The following CSMD1 variants were observed in gnomAD, a reference collection of about 807,000 sequenced individuals.
CSMD1 encodes CUB and sushi domain-containing protein 1.
CSMD1 carries 213 observed loss-of-function variants against 417.5 expected under a neutral mutation model. That is an observed-to-expected ratio of 0.51 (90% CI 0.46 to 0.57). CSMD1 has a LOEUF of 0.57. Among genes scored for constraint, CSMD1 ranks in the 20% least tolerant of loss-of-function variants. CSMD1 has a pLI of 0.00. For missense variants in CSMD1, 6,923 were observed against 4,529.7 expected (o/e 1.53, Z -15.17); for synonymous variants, 2,862 against 1,736.8 (o/e 1.65, Z -16.11).
chr8:3,740,399 T>G lies in CSMD1; in HGVS notation c.931+13531A>C, dbSNP rs184557689. 8.7e-4 allele frequency among the ~76,000 whole-genome samples: 132 copies of G among 152,300 alleles called. 1 individual carries two copies. The highest frequency in any genetic ancestry group is 1.4e-3 in the Non-Finnish European group (95 of 68,030). On this transcript the variant is annotated intron_variant, in intron 6 of 69. Transcript: ENST00000635120. ...ATTTAAAGAATAACTGATGATAAAATGCAATGCTGAATAAGAGCCAAATGC... is the reference window on the plus strand; with the variant it reads ...ATTTAAAGAATAACTGATGATAAAAGGCAATGCTGAATAAGAGCCAAATGC...
intron 3 of CSMD1, among the ~76,000 whole-genome samples, chr8:4,052,876 G>C (rs17068774): frequency 0.014 from 2,067 of 152,228 alleles, 45 homozygotes; most frequent in African/African-American, 0.047. Flanking sequence ...TGATTCCAAT[G>C]CAGTAGTCCA....
chr8:4,899,384 A>C (rs1037871970), intron 1 of CSMD1, among the ~76,000 whole-genome samples: 1 of 152,218 alleles, frequency 6.6e-6, no homozygotes, highest in Non-Finnish European at 1.5e-5. Context: ...TATACTGAGG[A>C]ATTATTTGGA....
rs570433972 is a variant in CSMD1, at chr8:4,702,760, G to T, written c.86-65202C>A. Among the ~76,000 whole-genome samples the T allele has an allele frequency of 5.9e-5, 9 of 152,238 alleles. No homozygotes were observed. In the South Asian group the frequency reaches 1.9e-3, roughly 32 times the overall value. On this transcript the variant is annotated intron_variant, in intron 1 of 69. Transcript: ENST00000635120. ...TCTATTCTGTGGAAGGAAAGAAAGA[G>T]CATCCTTTTGCGGGAAAATGTTAGG...
intron 3 of CSMD1, among the ~76,000 whole-genome samples, chr8:4,380,505 T>C (rs940158629): frequency 6.6e-6 from 1 of 152,092 alleles, no homozygotes; most frequent in Non-Finnish European, 1.5e-5. Context: ...TGAGAAACCG[T>C]CACAGCCAAG....
intron 7 of CSMD1, among the ~76,000 whole-genome samples, chr8:3,700,909 C>T (rs1002489359): frequency 1.3e-5 from 2 of 151,954 alleles, no homozygotes; most frequent in Non-Finnish European, 2.9e-5. Context: ...GATATTTCAC[C>T]CAGATCCTTC....
chr8:3,326,091 C>G (rs1049376377), intron 23 of CSMD1, among the ~76,000 whole-genome samples: 2 of 152,176 alleles, frequency 1.3e-5, no homozygotes, highest in South Asian at 2.1e-4. Context: ...CCCATTACAG[C>G]CACAGAATGC....
chr8:3,154,347 A>C (rs73657588), intron 39 of CSMD1, among the ~76,000 whole-genome samples: 1,793 of 152,306 alleles, frequency 0.012, 40 homozygotes, highest in African/African-American at 0.04. Context: ...GTGGTCATCA[A>C]GTTGCAGACT....
At chr8:4,214,265 G>A (rs1015277505) in intron 3 of CSMD1, among the ~76,000 whole-genome samples, 12 of 152,100 alleles carry the variant, frequency 7.9e-5, no homozygotes, top group Non-Finnish European at 1.5e-4. Flanking sequence ...ACTTTTACAA[G>A]AAAATTTTAC....
chr8:3,737,699 G>A (rs561623001), intron 6 of CSMD1, among the ~76,000 whole-genome samples: 5 of 152,124 alleles, frequency 3.3e-5, no homozygotes, highest in East Asian at 3.9e-4. Flanking sequence ...TTGTCTTCAC[G>A]TTTCTGACTT....
At chr8:4,134,060 G>C (rs756605172) in intron 3 of CSMD1, among the ~76,000 whole-genome samples, 1 of 152,098 alleles carries the variant, frequency 6.6e-6, no homozygotes, top group Non-Finnish European at 1.5e-5. Context: ...TATTAATAAA[G>C]ATTAATTGCT....
At chr8:3,496,035 C>T (rs1297886420) in intron 10 of CSMD1, among the ~76,000 whole-genome samples, 1 of 152,158 alleles carries the variant, frequency 6.6e-6, no homozygotes, top group Non-Finnish European at 1.5e-5. Context: ...CATGCATTAG[C>T]TCTTTTCCCT....
intron 11 of CSMD1, among the ~76,000 whole-genome samples, chr8:3,474,471 C>T (rs1817293702): frequency 6.6e-6 from 1 of 152,070 alleles, no homozygotes; most frequent in Admixed American, 6.5e-5. Flanking sequence ...CTCATCCATC[C>T]ACCAAAAATT....
At chr8:3,765,747 G>C (rs904084483) in intron 5 of CSMD1, among the ~76,000 whole-genome samples, 1 of 152,164 alleles carries the variant, frequency 6.6e-6, no homozygotes, top group African/African-American at 2.4e-5. Flanking sequence ...CAGGGGGTGA[G>C]ATCTGGCATC....
chr8:3,227,978 G>C (rs1798615607), intron 27 of CSMD1, among the ~76,000 whole-genome samples: 1 of 152,112 alleles, frequency 6.6e-6, no homozygotes, highest in Non-Finnish European at 1.5e-5. Flanking sequence ...ATGTTGCCCA[G>C]GCTGGTCTCA....
At chr8:4,488,129 A>G (rs546643937) in intron 2 of CSMD1, among the ~76,000 whole-genome samples, 1 of 152,314 alleles carries the variant, frequency 6.6e-6, no homozygotes, top group South Asian at 2.1e-4. Flanking sequence ...GTCTCCCCAG[A>G]CATCGAATTT....
chr8:3,081,069 T>C (rs1417720719), intron 49 of CSMD1, among the ~76,000 whole-genome samples: 1 of 152,182 alleles, frequency 6.6e-6, no homozygotes, highest in Non-Finnish European at 1.5e-5. Flanking sequence ...GTTTACCAAA[T>C]GGCTACAAGG....
At chr8:2,940,873 G>A (rs1173742139) in intron 69 of CSMD1, among the ~76,000 whole-genome samples, 1 of 152,060 alleles carries the variant, frequency 6.6e-6, no homozygotes, top group African/African-American at 2.4e-5. Context: ...AAATTTGTAG[G>A]AATTGTAAGT....
At chr8:3,979,444 G>C (rs116328739) in intron 5 of CSMD1, among the ~76,000 whole-genome samples, 1 of 152,136 alleles carries the variant, frequency 6.6e-6, no homozygotes, top group Non-Finnish European at 1.5e-5. Flanking sequence ...TGATAAATGT[G>C]CATGCAACTC....
rs1156854396 is a variant in CSMD1, at chr8:3,600,180, A to G, written c.1098-13920T>C. 2.6e-5 allele frequency among the ~76,000 whole-genome samples: 4 copies of G among 152,244 alleles called. No individual in the cohort carries two copies. In the East Asian group the frequency reaches 7.7e-4, roughly 29 times the overall value. On this transcript the variant is annotated intron_variant, in intron 8 of 69. Coordinates refer to ENST00000635120, the MANE Select transcript of CSMD1 (RefSeq NM_033225.6). ...TCAGCAAGCTGAAAACTGACAAACC[A>G]TTGCTTCCCGAATCTTTCCAGGTAT...
Sources: gnomAD v4.1 joint callset for allele counts (sites outside exome capture counted in the v4.1 genomes callset) on GRCh38, gnomAD v4.1.1 for gene constraint, MANE v1.5 for transcripts, NCBI Gene and HGNC (gene_info 2026-07-23, HGNC 2026-07-21) for gene names.